The following HSPBAP1 variants were observed in gnomAD, a reference collection of about 807,000 sequenced individuals.
HSPBAP1 encodes the protein HSPB1 associated protein 1.
In HSPBAP1, 27 loss-of-function variants were observed where a neutral mutation model predicts 45.2. That is an observed-to-expected ratio of 0.60 (90% CI 0.44 to 0.82). The LOEUF (loss-of-function observed/expected upper bound fraction) is 0.82. HSPBAP1 is among the 40% of genes least tolerant of loss of function. HSPBAP1 has a pLI of 0.00. For missense variants in HSPBAP1, 510 were observed against 590.9 expected, an observed-to-expected ratio of 0.86 and a Z score of 1.42; for synonymous variants, 204 against 202.7, an observed-to-expected ratio of 1.01 and a Z score of -0.06.
intron 6 of HSPBAP1, among the ~76,000 whole-genome samples, chr3:122,743,040 A>G (rs1933722995): frequency 6.6e-6 from 1 of 152,246 alleles, no homozygotes; most frequent in African/African-American, 2.4e-5. Context: ...CAGAACCAAC[A>G]GAAGATACAG....
chr3:122,778,214 TGTTG>T (rs1346709799), intron 1 of HSPBAP1, among the ~76,000 whole-genome samples: 15 of 74,682 alleles, frequency 2.0e-4, no homozygotes, highest in South Asian at 4.1e-4. Context: ...TAGTTTTTTT[TGTTG>T]TTTTTTTTTT....
At chr3:122,752,977 C>G (rs987144985) in intron 5 of HSPBAP1, 48 of 1,080,580 alleles carry the variant, frequency 4.4e-5, no homozygotes, top group Middle Eastern at 4.2e-4. Context: ...AATTTTTCCT[C>G]CTTTCCGTCA....
chr3:122,772,070 T>C (rs1469269653), intron 2 of HSPBAP1, among the ~76,000 whole-genome samples: 1 of 152,168 alleles, frequency 6.6e-6, no homozygotes, highest in Middle Eastern at 3.2e-3. Context: ...GGCAAAAATA[T>C]TTCCTTCGTA....
intron 1 of HSPBAP1, among the ~76,000 whole-genome samples, chr3:122,786,024 A>G (rs1479698575): frequency 1.3e-5 from 2 of 152,172 alleles, no homozygotes; most frequent in African/African-American, 2.4e-5. Flanking sequence ...GAGACAAATG[A>G]AAGGTCCAGG....
At chr3:122,771,583 G>A (rs901275836) in intron 2 of HSPBAP1, among the ~76,000 whole-genome samples, 9 of 152,156 alleles carry the variant, frequency 5.9e-5, no homozygotes, top group African/African-American at 1.9e-4. Context: ...AATACTACAT[G>A]ATGCATAAAC....
intron 1 of HSPBAP1, among the ~76,000 whole-genome samples, chr3:122,778,553 G>C (rs1935275884): frequency 7.1e-6 from 1 of 141,088 alleles, no homozygotes; most frequent in Non-Finnish European, 1.5e-5. Flanking sequence ...ACGGAGTCTC[G>C]CTCTCTCGCC....
At chr3:122,779,923 G>C (rs368231263) in intron 1 of HSPBAP1, among the ~76,000 whole-genome samples, 1 of 151,720 alleles carries the variant, frequency 6.6e-6, no homozygotes, top group Non-Finnish European at 1.5e-5. Context: ...ACACAGACAC[G>C]GCAACCATCC....
intron 3 of HSPBAP1, among the ~76,000 whole-genome samples, chr3:122,759,860 C>T (rs1233655848): frequency 2.6e-5 from 4 of 152,302 alleles, no homozygotes; most frequent in African/African-American, 7.2e-5. Context: ...TGTGTACATA[C>T]GCAACTTACT....
At chr3:122,770,190 G>A (rs537706896) in intron 2 of HSPBAP1, among the ~76,000 whole-genome samples, 1 of 152,324 alleles carries the variant, frequency 6.6e-6, no homozygotes, top group African/African-American at 2.4e-5. Context: ...CAGAATGGCA[G>A]AGAGGTAATA....
chr3:122,760,173 A>G (rs1286722146), intron 3 of HSPBAP1, among the ~76,000 whole-genome samples: 4 of 152,192 alleles, frequency 2.6e-5, no homozygotes, highest in African/African-American at 7.2e-5. Flanking sequence ...GGAAAAGCCT[A>G]TACTTTTAGA....
intron 6 of HSPBAP1, among the ~76,000 whole-genome samples, chr3:122,749,115 T>G (rs942349402): frequency 6.6e-6 from 1 of 151,522 alleles, no homozygotes; most frequent in Non-Finnish European, 1.5e-5. Flanking sequence ...TATATACTTA[T>G]TTACATATAT....
intron 1 of HSPBAP1, among the ~76,000 whole-genome samples, chr3:122,780,803 C>T (rs1215044593): frequency 1.3e-4 from 18 of 141,198 alleles, no homozygotes; most frequent in African/African-American, 2.9e-4. Flanking sequence ...TCAGACGGGG[C>T]GGTTGCCAGG....
chr3:122,752,912 A>G (rs1934209709), intron 5 of HSPBAP1: 1 of 1,209,094 alleles, frequency 8.3e-7, no homozygotes, highest in Non-Finnish European at 1.0e-6. Context: ...TATTCTCTTT[A>G]ATCCTGGGCC....
intron 1 of HSPBAP1, among the ~76,000 whole-genome samples, chr3:122,782,150 C>T (rs1490635496): frequency 6.6e-6 from 1 of 152,180 alleles, no homozygotes; most frequent in African/African-American, 2.4e-5. Flanking sequence ...CTGATGGGAA[C>T]TACTCTTGAA....
intron 5 of HSPBAP1, 188 bp downstream of exon 5, chr3:122,755,072 C>T: frequency 3.3e-6 from 4 of 1,223,106 alleles, no homozygotes; most frequent in Non-Finnish European, 4.1e-6. Flanking sequence ...TTTCCAGGAC[C>T]TGTGAAGCAG....
At chr3:122,750,044 G>A (rs528424103) in intron 6 of HSPBAP1, among the ~76,000 whole-genome samples, 3 of 148,758 alleles carry the variant, frequency 2.0e-5, no homozygotes, top group East Asian at 4.0e-4. Context: ...ACTTGATCTC[G>A]GCTCACTGCA....
rs1405129970 is a variant in HSPBAP1 at position 122,793,687 on chromosome 3, C to G, written c.-7G>C. 1.9e-6 allele frequency: 3 copies of G among 1,613,596 alleles called. No individual in the cohort carries two copies. The highest frequency in any genetic ancestry group is 1.1e-5 in the South Asian group (1 of 91,072). On this transcript the variant is annotated 5_prime_UTR_variant, in exon 1 of 8. Transcript: ENST00000306103. ...CCTCGGAGCCTGCTGCCATGGCTACCGCAAGGCGGGTTCTGCCGGAACCCA... is the reference window on the plus strand; with the variant it reads ...CCTCGGAGCCTGCTGCCATGGCTACGGCAAGGCGGGTTCTGCCGGAACCCA...
At chr3:122,751,137 T>G (rs1934119943) in intron 6 of HSPBAP1, among the ~76,000 whole-genome samples, 1 of 152,238 alleles carries the variant, frequency 6.6e-6, no homozygotes, top group African/African-American at 2.4e-5. Flanking sequence ...AGAAATCTTA[T>G]ACTCTACCAA....
At chr3:122,789,829 T>G (rs754340553) in intron 1 of HSPBAP1, among the ~76,000 whole-genome samples, 1 of 150,518 alleles carries the variant, frequency 6.6e-6, no homozygotes, top group Non-Finnish European at 1.5e-5. Flanking sequence ...TCACTCCTAA[T>G]CACCCGCAAC....
Sources: allele counts gnomAD v4.1 joint callset (sites outside exome capture counted in the v4.1 genomes callset), GRCh38; gene constraint gnomAD v4.1.1; transcripts MANE v1.5; gene names NCBI Gene and HGNC (gene_info 2026-07-23, HGNC 2026-07-21).